SEMA7A: variants seen among roughly 807,000 people sequenced by gnomAD.
SEMA7A encodes semaphorin 7A (JohnMiltonHagen blood group), also known as semaphorin-7A.
A neutral mutation model predicts 67.5 loss-of-function variants in SEMA7A; 21 were observed. The observed-to-expected ratio is 0.31, with a 90% CI of 0.22 to 0.45. The LOEUF (loss-of-function observed/expected upper bound fraction) is 0.45, where lower values mean the gene tolerates loss of function less well. Ranked by LOEUF, SEMA7A falls within the 20% of genes least tolerant of loss-of-function variation. The pLI is 1.00. For synonymous variants in SEMA7A, 364 were observed against 368.5 expected (o/e 0.99, Z 0.14); for missense variants, 774 against 908.6 (o/e 0.85, Z 1.90).
At chr15:74,424,319 T>G (rs1363872216) in intron 1 of SEMA7A, among the ~76,000 whole-genome samples, 2 of 152,100 alleles carry the variant, frequency 1.3e-5, no homozygotes, top group Non-Finnish European at 2.9e-5. Flanking sequence ...CCACCAGGAT[T>G]CTTGAAACAA....
chr15:74,432,117 A>C (rs2061093805), intron 1 of SEMA7A, among the ~76,000 whole-genome samples: 1 of 151,722 alleles, frequency 6.6e-6, no homozygotes, highest in Admixed American at 6.6e-5. Context: ...GGTCATGGGA[A>C]GACTTTGGGA....
In SEMA7A at chr15:74,417,443, C is replaced by G; in HGVS notation, c.553G>C (p.Asp185His). ...DENSLVLFEG[D>H]EVYSTIRKQE... The stretch of plus-strand genomic sequence containing the variant: ...TTCCGGATGGTGGAATACACCTCGT[C>G]CCCTGGGGTCAGTGGGAGGGAGAAA... The change falls in exon 6 of 14, where the codon GAC (aspartate) becomes CAC (histidine). Residue 185 changes from aspartate to histidine, a missense_variant and splice_region_variant. Around this residue, in one of 2 missense-constraint regions of SEMA7A, gnomAD observed 347 missense variants for 353.2 expected, o/e 0.98. Transcript: ENST00000261918. 1 of 1,613,304 alleles carries G rather than the reference C, an allele frequency of 6.2e-7. No individual in the cohort carries two copies. Among genetic ancestry groups the G allele is most frequent in the Non-Finnish European group, 8.5e-7 (1 of 1,179,436 alleles).
rs2060944213 is a variant in SEMA7A, at chr15:74,415,941, G to A, written c.846C>T (p.Asn282=). The part of the protein sequence containing the change: ...GESSLSVSKW[N]TFLKAMLVCS... ...ATACCAGCATGGCTTTCAGAAAAGT[G>A]TTCCACTTGGAGACTGACAGTGAAC... is the stretch of plus-strand genomic sequence containing the variant. The change falls in exon 8 of 14, where the codon AAC becomes AAT. Residue 282 remains asparagine, a synonymous_variant. Transcript: ENST00000261918. The A allele has an allele frequency of 6.2e-7, 1 of 1,614,006 alleles. No individual in the cohort carries two copies. Among genetic ancestry groups the A allele is most frequent in the Admixed American group, 1.7e-5 (1 of 59,994 alleles).
At position 74,411,355 on chromosome 15, in the gene SEMA7A, A is replaced by C; in HGVS notation, c.1579T>G (p.Ser527Ala). The C allele has an allele frequency of 6.2e-7, 1 of 1,613,980 alleles. No homozygotes were observed. Among genetic ancestry groups the C allele is most frequent in the Non-Finnish European group, 8.5e-7 (1 of 1,179,926 alleles). The stretch of plus-strand genomic sequence containing the variant: ...GCTGGATTAATGGATTGCAGCACTG[A>C]CCTGGAGTGGGAAGGACGAAAGAGG... Reference protein sequence around the residue: ...RCISIYSSERSVLQSINPAEP... With the variant: ...RCISIYSSERAVLQSINPAEP... Residue 527 changes from serine (S) to alanine (A), a missense_variant and splice_region_variant, in exon 13 of 14, where the codon TCA (serine) becomes GCA (alanine). This residue lies in a region of SEMA7A where 427 missense variants were observed against 555.4 expected (regional missense o/e 0.77). Coordinates refer to ENST00000261918, the MANE Select transcript of SEMA7A (RefSeq NM_003612.5). The surrounding 1 kb of genome is among the most constrained non-coding windows in gnomAD (Gnocchi z 4.4).
chr15:74,416,339 A>C (rs2060948184), intron 7 of SEMA7A, among the ~76,000 whole-genome samples: 1 of 151,890 alleles, frequency 6.6e-6, no homozygotes, highest in South Asian at 2.1e-4. Flanking sequence ...ACACACACAC[A>C]CACCCCATCA....
In SEMA7A at chr15:74,411,679, A is replaced by G; in HGVS notation, c.1454T>C (p.Val485Ala). The G allele has an allele frequency of 6.2e-7, 1 of 1,613,114 alleles. No individual in the cohort carries two copies. The highest frequency in any genetic ancestry group is 1.1e-5 in the South Asian group (1 of 91,050). The change falls in exon 12 of 14, where the codon GTG becomes GCG. Residue 485 changes from valine (V) to alanine (A), a missense_variant. Physicochemically the swap from Val to Ala is moderately conservative, Grantham distance 64. Around this residue, in one of 2 missense-constraint regions of SEMA7A, gnomAD observed 427 missense variants for 555.4 expected, o/e 0.77. Transcript: ENST00000261918. The surrounding 1 kb of genome is among the most constrained non-coding windows in gnomAD (Gnocchi z 4.4). ...RKLYVSSQWEVSQVPLDLCEV... is the reference protein window; with the variant it reads ...RKLYVSSQWEASQVPLDLCEV... ...ACACAGGTCCAGGGGCACCTGGCTC[A>G]CCTCCCACTGGGAGCTCACATACAG...
At chr15:74,419,007 T>G (rs908240422) in intron 1 of SEMA7A, 55 bp from the exon 2 acceptor site, 54 of 1,579,754 alleles carry the variant, frequency 3.4e-5, no homozygotes, top group Non-Finnish European at 4.3e-5. Flanking sequence ...GAGAGAAGAC[T>G]CTGGGTCCCC....
At chr15:74,420,884 G>T (rs2060994689) in intron 1 of SEMA7A, among the ~76,000 whole-genome samples, 1 of 152,190 alleles carries the variant, frequency 6.6e-6, no homozygotes, top group Non-Finnish European at 1.5e-5. Flanking sequence ...AGAGATGCTG[G>T]GCTAGGACCT....
At position 74,417,318 on chromosome 15, in the gene SEMA7A, G is replaced by A; in HGVS notation, c.661+17C>T. 6.2e-7 allele frequency: 1 copy of A among 1,603,458 alleles called. No individual in the cohort carries two copies. The highest frequency in any genetic ancestry group is 8.5e-7 in the Non-Finnish European group (1 of 1,170,916). ...CACCCCCTTGCCCACCCTCAGCCCAGCCGGAGCCTGACTCACTCTGCATGA... is the reference window on the plus strand; with the variant it reads ...CACCCCCTTGCCCACCCTCAGCCCAACCGGAGCCTGACTCACTCTGCATGA... On this transcript the variant is annotated intron_variant, in intron 6 of 13. Transcript: ENST00000261918.
At chr15:74,430,173 C>T (rs2141292710) in intron 1 of SEMA7A, among the ~76,000 whole-genome samples, 1 of 152,286 alleles carries the variant, frequency 6.6e-6, no homozygotes, top group Admixed American at 6.5e-5. Context: ...CTTGAGGGCA[C>T]ATGCTGATGA....
chr15:74,428,464 C>T (rs2061060263), intron 1 of SEMA7A, among the ~76,000 whole-genome samples: 1 of 152,232 alleles, frequency 6.6e-6, no homozygotes, highest in African/African-American at 2.4e-5. Context: ...TTGGCTGGCC[C>T]AGCTAATCTC....
At position 74,433,639 on chromosome 15, in the gene SEMA7A, C is replaced by T. The variant is rs1261476519; in HGVS notation, c.178+102G>A. The T allele has an allele frequency of 8.4e-6, 11 of 1,305,286 alleles. No homozygotes were observed. The African/African-American group carries it at 1.4e-4, about 17-fold the overall frequency. 80.9% of individuals were successfully genotyped at this position (1,305,286 alleles called of 1,614,324 possible). A position where few individuals can be genotyped will look rare whatever the true frequency, so the allele number is the denominator to read the frequency against. On this transcript the variant is annotated intron_variant, in intron 1 of 13. Transcript: ENST00000261918. The stretch of plus-strand genomic sequence containing the variant: ...GACAGCGCGGGGACAGCCCGGGACC[C>T]GCAGAGCTGCGCGCACGCACTCCCT...
chr15:74,411,332 T>G lies in SEMA7A; in HGVS notation c.1602A>C (p.Pro534=). ...TGGGACACTCCTTGTGTGGCTCGGCTGGATTAATGGATTGCAGCACTGACC... is the reference window on the plus strand; with the variant it reads ...TGGGACACTCCTTGTGTGGCTCGGCGGGATTAATGGATTGCAGCACTGACC... ...SERSVLQSIN[P]AEPHKECPNP... Residue 534 remains proline (P), a synonymous_variant, in exon 13 of 14, where the codon CCA becomes CCC. Coordinates refer to ENST00000261918, the MANE Select transcript of SEMA7A (RefSeq NM_003612.5). The surrounding 1 kb of genome is among the most constrained non-coding windows in gnomAD (Gnocchi z 4.4). 1 of 1,614,042 alleles carries G rather than the reference T, an allele frequency of 6.2e-7. No individual in the cohort carries two copies. Among genetic ancestry groups the G allele is most frequent in the Non-Finnish European group, 8.5e-7 (1 of 1,179,978 alleles).
In SEMA7A at chr15:74,417,956, T is replaced by C; in HGVS notation, c.386A>G (p.Tyr129Cys). The change falls in exon 4 of 14, where the codon TAC becomes TGC. Residue 129 changes from tyrosine to cysteine, a missense_variant. Transcript: ENST00000261918. ...SCLDKRDCEN[Y>C]ITLLERRSEG... ...ACTCCGCCTCTCCAGGAGAGTGATGTAGTTCTCGCAGTCCTGCCCGGGGAA... is the reference window on the plus strand; with the variant it reads ...ACTCCGCCTCTCCAGGAGAGTGATGCAGTTCTCGCAGTCCTGCCCGGGGAA... The C allele has an allele frequency of 6.2e-7, 1 of 1,613,192 alleles. No homozygotes were observed. Among genetic ancestry groups the C allele is most frequent in the Non-Finnish European group, 8.5e-7 (1 of 1,179,976 alleles).
intron 7 of SEMA7A, 60 bp from the exon 8 acceptor site, chr15:74,416,045 C>T (rs1171507679): frequency 6.5e-7 from 1 of 1,533,928 alleles, no homozygotes; most frequent in Non-Finnish European, 9.0e-7. Context: ...CCCACACACC[C>T]CAGGAAACCA....
At position 74,418,324 on chromosome 15, in the gene SEMA7A, G is replaced by A. The variant is rs1364743799; in HGVS notation, c.331-15C>T. The A allele has an allele frequency of 1.9e-6, 3 of 1,612,336 alleles. No homozygotes were observed. Among genetic ancestry groups the A allele is most frequent in the East Asian group, 2.2e-5 (1 of 44,878 alleles). On this transcript the variant is annotated splice_polypyrimidine_tract_variant and intron_variant, in intron 2 of 13. Transcript: ENST00000261918. ...CCGATATTCACCTGGGGGAAGGGGA[G>A]AAGCATTAGTTCAATCTGCCAGGGG...
chr15:74,424,535 A>G (rs746690998), intron 1 of SEMA7A, among the ~76,000 whole-genome samples: 3 of 152,184 alleles, frequency 2.0e-5, no homozygotes, highest in Non-Finnish European at 4.4e-5. Flanking sequence ...CAAACAGGAA[A>G]ACTAATGCCC....
chr15:74,419,025 G>A, intron 1 of SEMA7A, 73 bp from the exon 2 acceptor site: 2 of 1,528,292 alleles, frequency 1.3e-6, no homozygotes, highest in Non-Finnish European at 1.8e-6. Flanking sequence ...CCCTCCACAT[G>A]GCACACTGGA....
At chr15:74,431,070 T>G (rs1000621563) in intron 1 of SEMA7A, among the ~76,000 whole-genome samples, 42 of 152,036 alleles carry the variant, frequency 2.8e-4, no homozygotes, top group African/African-American at 9.7e-4. Context: ...GGAAGAGGGG[T>G]GCACAGCTTA....
Sources: gnomAD v4.1 joint callset for allele counts (sites outside exome capture counted in the v4.1 genomes callset) on GRCh38, gnomAD v4.1.1 for gene constraint, gnomAD v4.1.1 regional missense constraint, Gnocchi (gnomAD v3.1) non-coding constraint, MANE v1.5 for transcripts, NCBI Gene and HGNC (gene_info 2026-07-23, HGNC 2026-07-21) for gene names.